The following PAN3 variants were observed in gnomAD, a reference collection of about 807,000 sequenced individuals.
The protein encoded by PAN3 is poly(A) specific ribonuclease subunit PAN3.
Under a neutral mutation model 96.2 loss-of-function variants are expected in PAN3, and 19 were observed. That is an observed-to-expected ratio of 0.20 (90% CI 0.14 to 0.29). The LOEUF is 0.29. PAN3 is among the 10% of genes least tolerant of loss of function. The pLI is 1.00. For synonymous variants in PAN3, 433 were observed against 406.6 expected (o/e 1.06, Z -0.78); for missense variants, 882 against 1,108.1 (o/e 0.80, Z 2.90).
At chr13:28,261,540 G>A in intron 9 of PAN3, 82 bp downstream of exon 9, 1 of 1,309,484 alleles carries the variant, frequency 7.6e-7, no homozygotes, top group Non-Finnish European at 1.1e-6. Flanking sequence ...GCATTATTAA[G>A]AAGAGTTCCA....
intron 6 of PAN3, among the ~76,000 whole-genome samples, chr13:28,235,542 G>A (rs975973073): frequency 6.6e-6 from 1 of 152,000 alleles, no homozygotes. Flanking sequence ...ATCTTTGCCT[G>A]CTTTTTATTG....
At chr13:28,249,838 T>G (rs1884555948) in intron 6 of PAN3, among the ~76,000 whole-genome samples, 1 of 152,244 alleles carries the variant, frequency 6.6e-6, no homozygotes, top group South Asian at 2.1e-4. Flanking sequence ...ACTTTTATTC[T>G]TTTACTGTCA....
intron 6 of PAN3, among the ~76,000 whole-genome samples, chr13:28,235,921 ACAGGCTGGTGAAAGTTGCTC>A (rs1270755862): frequency 2.7e-5 from 4 of 149,882 alleles, no homozygotes; most frequent in African/African-American, 7.4e-5. Flanking sequence ...TGTGGTTGCT[ACAGGCTGGTGAAAGTTGCTC>A]CAGGCTGGTC....
chr13:28,190,416 A>T (rs889246246), intron 4 of PAN3, among the ~76,000 whole-genome samples: 9 of 150,026 alleles, frequency 6.0e-5, no homozygotes, highest in Middle Eastern at 7.0e-3. Context: ...TATTAAAAAA[A>T]TTTTTTGGCG....
At chr13:28,141,129 A>G (rs1038541778) in intron 1 of PAN3, among the ~76,000 whole-genome samples, 5 of 148,854 alleles carry the variant, frequency 3.4e-5, no homozygotes, top group African/African-American at 1.2e-4. Context: ...TCAGCCTCCC[A>G]AGTAGCTGGG....
intron 1 of PAN3, among the ~76,000 whole-genome samples, chr13:28,149,241 C>T (rs1022936052): frequency 6.6e-6 from 1 of 152,050 alleles, no homozygotes; most frequent in African/African-American, 2.4e-5. Context: ...GTAGTCCCAG[C>T]TACTCAGGAG....
intron 17 of PAN3, among the ~76,000 whole-genome samples, chr13:28,282,573 C>T (rs887557053): frequency 2.6e-5 from 4 of 152,200 alleles, no homozygotes; most frequent in Admixed American, 1.3e-4. Context: ...AATGACTCAT[C>T]CTCTTCCCTA....
Position 28,293,035 on chromosome 13 carries a change from A to G in PAN3, c.*513A>G, listed in dbSNP as rs540631440. On this transcript the variant is annotated 3_prime_UTR_variant, in exon 19 of 19. Transcript: ENST00000380958. ...GTTCAGTATAGTACGTAATTCTTGT[A>G]AGAGTATCGTATGCAAGCTCTCTGT... 1.3e-5 allele frequency: 2 copies of G among 152,368 alleles called. No homozygotes were observed. The highest frequency in any genetic ancestry group is 3.9e-4 in the East Asian group (2 of 5,184). 9.4% of individuals were successfully genotyped at this position (152,368 alleles called of 1,614,324 possible).
At chr13:28,151,073 A>G (rs1195693060) in intron 1 of PAN3, among the ~76,000 whole-genome samples, 1 of 152,162 alleles carries the variant, frequency 6.6e-6, no homozygotes, top group Admixed American at 6.6e-5. Context: ...TAGACTGGAG[A>G]ATGATAGCCA....
At chr13:28,214,160 G>A (rs1258034721) in intron 5 of PAN3, among the ~76,000 whole-genome samples, 5 of 152,070 alleles carry the variant, frequency 3.3e-5, no homozygotes, top group Non-Finnish European at 5.9e-5. Context: ...TTATATATAC[G>A]TACGTATTAT....
chr13:28,176,556 C>G lies in PAN3; in HGVS notation c.616C>G (p.His206Asp), dbSNP rs773041731. ...TGACAGTGCCAAGCCATATTCAGCC[C>G]ATGGTAAGACCTGATCCCTTTTGCT... Reference protein sequence around the residue: ...LNDSAKPYSAHDPLTSPASSL... With the variant: ...LNDSAKPYSADDPLTSPASSL... Residue 206 changes from histidine (H) to aspartate (D), a missense_variant, in exon 3 of 19, where the codon CAT (histidine) becomes GAT (aspartate). Transcript: ENST00000380958. The G allele has an allele frequency of 3.1e-6, 5 of 1,613,252 alleles. No homozygotes were observed. Among genetic ancestry groups the G allele is most frequent in the Non-Finnish European group, 4.2e-6 (5 of 1,179,250 alleles).
chr13:28,251,309 T>C (rs1884701584), intron 6 of PAN3, among the ~76,000 whole-genome samples: 1 of 152,266 alleles, frequency 6.6e-6, no homozygotes, highest in Non-Finnish European at 1.5e-5. Context: ...TTCTCAAGTA[T>C]GTTGTACATG....
At chr13:28,281,598 T>A (rs1466785418) in intron 17 of PAN3, among the ~76,000 whole-genome samples, 4 of 152,174 alleles carry the variant, frequency 2.6e-5, no homozygotes, top group Non-Finnish European at 5.9e-5. Flanking sequence ...AAATATGGTG[T>A]GTTAGAAATC....
At chr13:28,249,088 C>T (rs145441294) in intron 6 of PAN3, among the ~76,000 whole-genome samples, 1 of 151,996 alleles carries the variant, frequency 6.6e-6, no homozygotes, top group South Asian at 2.1e-4. Context: ...TTTGATGAAG[C>T]CTGATTAAAA....
intron 6 of PAN3, 122 bp from the exon 7 acceptor site, chr13:28,256,170 C>G (rs1885120354): frequency 9.5e-7 from 1 of 1,048,324 alleles, no homozygotes; most frequent in African/African-American, 1.6e-5. Flanking sequence ...TTTCCTTCAT[C>G]TTTGCACTTA....
At chr13:28,255,333 G>A (rs1445758487) in intron 6 of PAN3, among the ~76,000 whole-genome samples, 1 of 151,972 alleles carries the variant, frequency 6.6e-6, no homozygotes, top group Admixed American at 6.6e-5. Context: ...ACGCTACCTG[G>A]TTTTAATTAA....
chr13:28,288,322 CAG>C (rs1299224909), intron 18 of PAN3, among the ~76,000 whole-genome samples, 200 bp downstream of exon 18: 1 of 152,142 alleles, frequency 6.6e-6, no homozygotes, highest in Non-Finnish European at 1.5e-5. Context: ...CAGTGGAGGA[CAG>C]AGTCTTGCTC....
intron 6 of PAN3, among the ~76,000 whole-genome samples, chr13:28,250,642 C>G (rs1884636300): frequency 6.6e-6 from 1 of 152,130 alleles, no homozygotes; most frequent in South Asian, 2.1e-4. Flanking sequence ...GCTGGAATTA[C>G]AAACATGAGC....
intron 4 of PAN3, among the ~76,000 whole-genome samples, chr13:28,189,435 G>A (rs1876916089): frequency 6.6e-6 from 1 of 151,962 alleles, no homozygotes; most frequent in Non-Finnish European, 1.5e-5. Flanking sequence ...AGAATGGCTT[G>A]AACCCAGGAA....
Sources: gnomAD v4.1 joint callset for allele counts (sites outside exome capture counted in the v4.1 genomes callset) on GRCh38, gnomAD v4.1.1 for gene constraint, MANE v1.5 for transcripts, NCBI Gene and HGNC (gene_info 2026-07-23, HGNC 2026-07-21) for gene names.